CDH12: variants seen among roughly 807,000 people sequenced by gnomAD.
CDH12 encodes the protein cadherin 12, also known as cadherin-12.
Under a neutral mutation model 74.1 loss-of-function variants are expected in CDH12, and 41 were observed. That is an observed-to-expected ratio of 0.55 (90% confidence interval 0.43 to 0.72). The LOEUF is 0.72. Among genes scored for constraint, CDH12 ranks in the 30% least tolerant of loss-of-function variants. The pLI, the probability that CDH12 is intolerant of heterozygous loss-of-function variation, is 0.00. For missense variants in CDH12, 945 were observed against 977.2 expected (o/e 0.97, Z 0.44); for synonymous variants, 399 against 355.0 (o/e 1.12, Z -1.39).
At chr5:22,051,896 T>C (rs1740395964) in intron 5 of CDH12, among the ~76,000 whole-genome samples, 3 of 152,124 alleles carry the variant, frequency 2.0e-5, no homozygotes, top group African/African-American at 4.8e-5. Context: ...ACATAGATGA[T>C]TTAAGAAAGA....
At chr5:22,008,859 A>G (rs1366724616) in intron 5 of CDH12, among the ~76,000 whole-genome samples, 2 of 152,126 alleles carry the variant, frequency 1.3e-5, no homozygotes, top group Non-Finnish European at 2.9e-5. Flanking sequence ...GAGCCCATGG[A>G]GAAGAATTCT....
At chr5:22,248,101 A>G (rs4619998) in intron 3 of CDH12, among the ~76,000 whole-genome samples, 1,546 of 152,260 alleles carry the variant, frequency 0.01, 25 homozygotes, top group African/African-American at 0.036. Flanking sequence ...GTTCGAAACC[A>G]GCCTGGCCAA....
rs1740039616 is a variant in CDH12 at position 22,580,600 on chromosome 5, T to A, written c.-522-75236A>T. The A allele has an allele frequency of 6.3e-6, 3 of 478,376 alleles. No homozygotes were observed. The Admixed American group carries it at 6.6e-5, about 10-fold the overall frequency. The allele number at this position is 478,376 out of a possible 1,614,324, so 29.6% of individuals were successfully genotyped here. On this transcript the variant is annotated intron_variant, in intron 1 of 14. Coordinates refer to ENST00000382254, the MANE Select transcript of CDH12 (RefSeq NM_004061.5). Reference sequence around the variant, plus strand: ...CACTCCATAAACTTTTGGATTTTTTTAATCCTGAAGTACATACCCCACATA... The same window carrying A: ...CACTCCATAAACTTTTGGATTTTTTAAATCCTGAAGTACATACCCCACATA...
intron 1 of CDH12, among the ~76,000 whole-genome samples, chr5:22,837,968 G>T (rs1736907656): frequency 6.6e-6 from 1 of 152,136 alleles, no homozygotes; most frequent in Non-Finnish European, 1.5e-5. Context: ...TCTACCCGAT[G>T]GTTGCTGATT....
At chr5:22,824,120 A>T (rs748109681) in intron 1 of CDH12, among the ~76,000 whole-genome samples, 15 of 152,192 alleles carry the variant, frequency 9.9e-5, no homozygotes, top group Non-Finnish European at 1.6e-4. Context: ...CATAGCATCA[A>T]TGGAAACTAG....
At chr5:22,718,368 G>T (rs1209843571) in intron 1 of CDH12, among the ~76,000 whole-genome samples, 1 of 152,082 alleles carries the variant, frequency 6.6e-6, no homozygotes, top group Non-Finnish European at 1.5e-5. Flanking sequence ...ATGTGAAAAA[G>T]GTGCCTGACA....
intron 7 of CDH12, among the ~76,000 whole-genome samples, chr5:21,848,110 C>A (rs1442179269): frequency 6.6e-6 from 1 of 152,042 alleles, no homozygotes; most frequent in Non-Finnish European, 1.5e-5. Flanking sequence ...TTCTTGTAAT[C>A]TTCATCATTA....
chr5:22,386,215 G>A (rs1741993009), intron 3 of CDH12, among the ~76,000 whole-genome samples: 1 of 152,036 alleles, frequency 6.6e-6, no homozygotes, highest in Admixed American at 6.6e-5. Flanking sequence ...TAAACAACCA[G>A]ATCTTGTGAG....
intron 6 of CDH12, among the ~76,000 whole-genome samples, chr5:21,890,360 T>C (rs903902341): frequency 1.3e-5 from 2 of 152,060 alleles, no homozygotes; most frequent in Admixed American, 1.3e-4. Context: ...AGTCAATTAT[T>C]TGGTATAATA....
At chr5:22,779,605 G>A (rs1303285918) in intron 1 of CDH12, among the ~76,000 whole-genome samples, 2 of 152,142 alleles carry the variant, frequency 1.3e-5, no homozygotes, top group African/African-American at 4.8e-5. Flanking sequence ...GAGGTGATTG[G>A]ATCATGGAGG....
At chr5:22,562,070 C>A (rs924307739) in intron 1 of CDH12, among the ~76,000 whole-genome samples, 5 of 152,156 alleles carry the variant, frequency 3.3e-5, no homozygotes, top group African/African-American at 1.2e-4. Flanking sequence ...GTAATCCCAG[C>A]ACTTTGGGAG....
Position 21,959,742 on chromosome 5 carries a change from T to C in CDH12, c.526+15349A>G, listed in dbSNP as rs1230801544. Among the ~76,000 whole-genome samples, 4 of 121,964 alleles carry C rather than the reference T, an allele frequency of 3.3e-5. No homozygotes were observed. In the Admixed American group the frequency reaches 3.7e-4, roughly 11 times the overall value. The allele number at this position is 121,964 out of a possible 152,430, so 80.0% of individuals were successfully genotyped here. A position where few individuals can be genotyped will look rare whatever the true frequency, so the allele number is the denominator to read the frequency against. ...GGCCAACATTGTGAAACCCCATCTC[T>C]ACTAAAATCCAAAAAAAAAAAAAAA... On this transcript the variant is annotated intron_variant, in intron 6 of 14. Transcript: ENST00000382254.
At chr5:22,171,682 G>A (rs149747055) in intron 4 of CDH12, among the ~76,000 whole-genome samples, 6,240 of 152,056 alleles carry the variant, frequency 0.041, 429 homozygotes, top group African/African-American at 0.14. Flanking sequence ...CACACAGCTA[G>A]TAAGTGGTAG....
intron 1 of CDH12, among the ~76,000 whole-genome samples, chr5:22,654,317 C>T (rs1242877466): frequency 6.6e-6 from 1 of 151,014 alleles, no homozygotes; most frequent in Non-Finnish European, 1.5e-5. Context: ...TTGACAGAGT[C>T]TCGCTCTTGT....
chr5:21,752,657 A>T (rs1324179112), intron 14 of CDH12, among the ~76,000 whole-genome samples: 4 of 152,188 alleles, frequency 2.6e-5, no homozygotes, highest in Non-Finnish European at 5.9e-5. Context: ...TTAGAAATTT[A>T]TGTTTCTTAT....
At position 22,276,641 on chromosome 5, in the gene CDH12, A is replaced by T. The variant is rs374240792; in HGVS notation, c.-332-63998T>A. Among the ~76,000 whole-genome samples the T allele has an allele frequency of 3.9e-5, 6 of 152,322 alleles. No homozygotes were observed. In the East Asian group the frequency reaches 1.2e-3, roughly 29 times the overall value. On this transcript the variant is annotated intron_variant, in intron 3 of 14. Transcript: ENST00000382254. ...AAATAATAGTTATGTTTATTTAATA[A>T]TTATGAAGTACTAGGACTATTTTAA...
intron 6 of CDH12, among the ~76,000 whole-genome samples, chr5:21,895,153 A>C (rs1753065525): frequency 6.6e-6 from 1 of 152,162 alleles, no homozygotes; most frequent in African/African-American, 2.4e-5. Flanking sequence ...ACAGAGAAGA[A>C]GACAGAGCTG....
At chr5:22,133,360 T>G (rs1746279246) in intron 4 of CDH12, among the ~76,000 whole-genome samples, 1 of 152,140 alleles carries the variant, frequency 6.6e-6, no homozygotes, top group Non-Finnish European at 1.5e-5. Flanking sequence ...CTCATATCCA[T>G]CCATCTATTT....
chr5:22,201,219 T>A (rs958866620), intron 4 of CDH12, among the ~76,000 whole-genome samples: 1 of 152,160 alleles, frequency 6.6e-6, no homozygotes, highest in African/African-American at 2.4e-5. Flanking sequence ...ATATTCACCA[T>A]ATAAAGATGT....
Sources: gnomAD v4.1 joint callset for allele counts (sites outside exome capture counted in the v4.1 genomes callset) on GRCh38, gnomAD v4.1.1 for gene constraint, MANE v1.5 for transcripts, NCBI Gene and HGNC (gene_info 2026-07-23, HGNC 2026-07-21) for gene names.